Variants in HPS4 observed in about 807,000 individuals in gnomAD.
HPS4 encodes the protein HPS4 biogenesis of lysosomal organelles complex 3 subunit 2.
A neutral mutation model predicts 70.3 loss-of-function variants in HPS4; 44 were observed. That is an observed-to-expected ratio of 0.63 (90% CI 0.49 to 0.80). HPS4 has a LOEUF of 0.80. HPS4 is among the 30% of genes least tolerant of loss of function. The pLI, the probability that HPS4 is intolerant of heterozygous loss-of-function variation, is 0.00. For missense variants in HPS4, 873 were observed against 884.4 expected (o/e 0.99, Z 0.16); for synonymous variants, 377 against 355.9 (o/e 1.06, Z -0.67).
At chr22:26,463,300 A>G (rs2087696846) in intron 11 of HPS4, among the ~76,000 whole-genome samples, 1 of 152,202 alleles carries the variant, frequency 6.6e-6, no homozygotes, top group Non-Finnish European at 1.5e-5. Flanking sequence ...GCTTCAGATC[A>G]GGTACGATGC....
chr22:26,476,729 A>G, intron 4 of HPS4: 1 of 458,430 alleles, frequency 2.2e-6, no homozygotes, highest in Non-Finnish European at 4.0e-6. Context: ...CAGAGTAAAC[A>G]GAATTTCCAC....
intron 8 of HPS4, chr22:26,467,098 AT>A (rs895467866): frequency 6.6e-6 from 1 of 152,226 alleles, no homozygotes; most frequent in African/African-American, 2.4e-5. Context: ...ACTATATAAA[AT>A]TTCATATTTC....
chr22:26,464,907 A>G, intron 10 of HPS4, 81 bp from the exon 11 acceptor site: 1 of 1,351,794 alleles, frequency 7.4e-7, no homozygotes, highest in Non-Finnish European at 1.0e-6. Flanking sequence ...AGACTAAAGC[A>G]CAGGCATCAA....
chr22:26,471,579 C>T (rs1451165001), intron 6 of HPS4, among the ~76,000 whole-genome samples: 1 of 152,190 alleles, frequency 6.6e-6, no homozygotes, highest in Non-Finnish European at 1.5e-5. Flanking sequence ...CTGTGCCATC[C>T]CAGCCAGCCA....
At chr22:26,460,182 T>G (rs1168307121) in intron 11 of HPS4, among the ~76,000 whole-genome samples, 1 of 152,232 alleles carries the variant, frequency 6.6e-6, no homozygotes, top group Admixed American at 6.5e-5. Context: ...ATGAATCCAC[T>G]AAATGAATGA....
At chr22:26,458,928 A>G (rs915352087) in intron 11 of HPS4, among the ~76,000 whole-genome samples, 6 of 152,202 alleles carry the variant, frequency 3.9e-5, no homozygotes, top group African/African-American at 1.4e-4. Context: ...TAATGTTTTT[A>G]AAAATAATGA....
chr22:26,451,998 GCGCGCGCACACACA>G lies in HPS4; in HGVS notation c.*1221_*1234del, dbSNP rs1424145891. 442 of 61,398 alleles carry G rather than the reference GCGCGCGCACACACA, an allele frequency of 7.2e-3. 4 individuals are homozygous for G. Among genetic ancestry groups the G allele is most frequent in the African/African-American group, 0.031 (408 of 13,274 alleles). The allele number at this position is 61,398 out of a possible 1,614,324, so 3.8% of individuals were successfully genotyped here. ...ATGCGCCCACGTTACGCGCGCGCGCGCGCGCGCACACACACACACACACACACACACACACACAC... is the reference window on the plus strand; with the variant it reads ...ATGCGCCCACGTTACGCGCGCGCGCGCACACACACACACACACACACACAC... On this transcript the variant is annotated 3_prime_UTR_variant, in exon 14 of 14. Coordinates refer to ENST00000398145, the MANE Select transcript of HPS4 (RefSeq NM_022081.6).
chr22:26,483,780 A>G lies in HPS4; in HGVS notation c.-585T>C, dbSNP rs187762406. On this transcript the variant is annotated 5_prime_UTR_variant, in exon 1 of 14. Transcript: ENST00000398145. ...TGCCCCGTACCTGCGCGCGCGGCAG[A>G]GAGGCCTTAGGTCACGCGCCGCCCC... 5 of 752,390 alleles carry G rather than the reference A, an allele frequency of 6.6e-6. No homozygotes were observed. The African/African-American group carries it at 7.4e-5, about 11-fold the overall frequency. The allele number at this position is 752,390 out of a possible 1,614,324, so 46.6% of individuals were successfully genotyped here.
downstream of HPS4, among the ~76,000 whole-genome samples, chr22:26,446,595 G>A (rs1433801821): frequency 6.6e-6 from 1 of 152,056 alleles, no homozygotes; most frequent in Non-Finnish European, 1.5e-5. Context: ...TCAGGCTGAG[G>A]GGGTCGCTGC....
intron 5 of HPS4, among the ~76,000 whole-genome samples, 164 bp from the exon 6 acceptor site, chr22:26,472,582 G>A (rs976361087): frequency 6.6e-6 from 1 of 152,216 alleles, no homozygotes; most frequent in African/African-American, 2.4e-5. Flanking sequence ...CCTGCCGCGT[G>A]GGGGTGGCAA....
intron 11 of HPS4, among the ~76,000 whole-genome samples, chr22:26,460,255 T>C (rs1193802364): frequency 6.6e-6 from 1 of 152,250 alleles, no homozygotes; most frequent in Non-Finnish European, 1.5e-5. Flanking sequence ...TAAACCAAGG[T>C]TGCAGAGCTA....
chr22:26,465,397 T>C, intron 10 of HPS4, 58 bp downstream of exon 10: 1 of 1,249,504 alleles, frequency 8.0e-7, no homozygotes, highest in Middle Eastern at 1.9e-4. Context: ...TTTTAACCAA[T>C]CACGCGATGG....
intron 6 of HPS4, 125 bp downstream of exon 6, chr22:26,472,177 T>A: frequency 1.3e-6 from 1 of 764,890 alleles, no homozygotes; most frequent in Non-Finnish European, 2.4e-6. Context: ...TGCCGTGTCA[T>A]GGCCCTGCCT....
Position 26,464,501 on chromosome 22 carries a change from C to T in HPS4, c.1129G>A (p.Ala377Thr), listed in dbSNP as rs1348922647. ...LDLSEIHIPEAQEVEMASGHF... is the reference protein window; with the variant it reads ...LDLSEIHIPETQEVEMASGHF... The stretch of plus-strand genomic sequence containing the variant: ...CCTGAGGCCATTTCCACTTCCTGAG[C>T]CTCTGGAATGTGGATTTCAGACAAG... The change falls in exon 11 of 14, where the codon GCT (alanine) becomes ACT (threonine). Residue 377 changes from alanine to threonine, a missense_variant. Coordinates refer to ENST00000398145, the MANE Select transcript of HPS4 (RefSeq NM_022081.6). The T allele has an allele frequency of 1.9e-6, 3 of 1,614,066 alleles. No homozygotes were observed. Among genetic ancestry groups the T allele is most frequent in the South Asian group, 2.2e-5 (2 of 91,090 alleles).
rs2146524901 is a variant in HPS4, at chr22:26,463,647, C to T, written c.1713+270G>A. On this transcript the variant is annotated intron_variant, in intron 11 of 13. Transcript: ENST00000398145. ...CCCTTTCTCCAAGGCCTGCGCTCTG[C>T]AAAACTAGAAACAGCGGAAGAAGAG... 1.3e-5 allele frequency among the ~76,000 whole-genome samples: 2 copies of T among 152,308 alleles called. 1 individual carries two copies. Among genetic ancestry groups the T allele is most frequent in the Middle Eastern group, 6.8e-3 (2 of 294 alleles).
At chr22:26,475,350 T>TA (rs1472829246) in intron 4 of HPS4, 10 of 143,500 alleles carry the variant, frequency 7.0e-5, no homozygotes, top group African/African-American at 2.6e-4. Flanking sequence ...TAAATTTCTT[T>TA]TTTTTTTTTT....
At position 26,468,576 on chromosome 22, in the gene HPS4, A is replaced by G. The variant is rs750412869; in HGVS notation, c.644T>C (p.Leu215Pro). The change falls in exon 8 of 14, where the codon CTT (leucine) becomes CCT (proline). Residue 215 changes from leucine (L) to proline (P), a missense_variant. Physicochemically the swap from Leu to Pro is moderately conservative, Grantham distance 98. Transcript: ENST00000398145. ...CTGCTCCTGAGGTGCTGTTCGGTGA[A>G]GCAGGACCTTGGCGGTGAGGGAGGG... ...LPPSLTAKVL[L>P]HRTAPQEQRL... is the part of the protein sequence containing the mutation. 7 of 1,613,994 alleles carry G rather than the reference A, an allele frequency of 4.3e-6. No individual in the cohort carries two copies. The highest frequency in any genetic ancestry group is 5.9e-6 in the Non-Finnish European group (7 of 1,179,898).
rs746258061 is a variant in HPS4, at chr22:26,452,412, C to T, written c.*821G>A. 4.4e-6 allele frequency: 2 copies of T among 454,388 alleles called. No homozygotes were observed. Among genetic ancestry groups the T allele is most frequent in the Admixed American group, 2.4e-5 (1 of 41,904 alleles). The allele number at this position is 454,388 out of a possible 1,614,324, so 28.1% of individuals were successfully genotyped here. A position where few individuals can be genotyped will look rare whatever the true frequency, so the allele number is the denominator to read the frequency against. On this transcript the variant is annotated 3_prime_UTR_variant, in exon 14 of 14. Transcript: ENST00000398145. ...TTCACGCAGCCACCACTGAAAAGCA[C>T]AGTGCTTTTACCCCCAGACATCTTG...
chr22:26,459,169 TTC>T (rs1454435667), intron 11 of HPS4, among the ~76,000 whole-genome samples: 8 of 152,214 alleles, frequency 5.3e-5, no homozygotes, highest in Non-Finnish European at 1.0e-4. Flanking sequence ...ACACGGTAAC[TTC>T]TCTCTGCTAC....
Sources: allele counts gnomAD v4.1 joint callset (sites outside exome capture counted in the v4.1 genomes callset), GRCh38; gene constraint gnomAD v4.1.1; transcripts MANE v1.5; gene names NCBI Gene and HGNC (gene_info 2026-07-23, HGNC 2026-07-21).